The following MEGF8 variants were observed in gnomAD, a reference collection of about 807,000 sequenced individuals.
MEGF8 encodes multiple EGF like domains 8.
MEGF8 carries 156 observed loss-of-function variants against 302.9 expected under a neutral mutation model. That is an observed-to-expected ratio of 0.52 (90% CI 0.45 to 0.59). The LOEUF is 0.59. Ranked by LOEUF, MEGF8 falls within the 20% of genes least tolerant of loss-of-function variation. The probability of loss-of-function intolerance (pLI) is 0.00; values close to 1 mark genes in which losing one functional copy is unlikely to be tolerated. For missense variants in MEGF8, 3,345 were observed against 3,964.5 expected, an observed-to-expected ratio of 0.84 and a Z score of 4.20; for synonymous variants, 1,621 against 1,660.5, an observed-to-expected ratio of 0.98 and a Z score of 0.58.
At chr19:42,331,057 A>G in intron 1 of MEGF8, among the ~76,000 whole-genome samples, 1 of 152,132 alleles carries the variant, frequency 6.6e-6, no homozygotes, top group Non-Finnish European at 1.5e-5. Context: ...TCAGAGACTC[A>G]TGTCAGGGGA....
rs747167022 is a variant in MEGF8, at chr19:42,344,566, G to A, written c.1914G>A (p.Glu638=). 21 of 1,597,554 alleles carry A rather than the reference G, an allele frequency of 1.3e-5. No individual in the cohort carries two copies. The highest frequency in any genetic ancestry group is 2.7e-5 in the African/African-American group (2 of 74,772). The change falls in exon 11 of 42, where the codon GAG becomes GAA. Residue 638 remains glutamate (E), a synonymous_variant. Coordinates refer to ENST00000251268, the MANE Select transcript of MEGF8 (RefSeq NM_001271938.2). The surrounding 1 kb of genome is among the most constrained non-coding windows in gnomAD (Gnocchi z 4.5). The part of the protein sequence containing the change: ...PGTLGWCVHN[E]SCLPRPEQAR... Reference sequence around the variant, plus strand: ...CCCTGGGCTGGTGCGTGCACAATGAGAGCTGCCTCCCTAGGCCTGGTGAGT... The same window carrying A: ...CCCTGGGCTGGTGCGTGCACAATGAAAGCTGCCTCCCTAGGCCTGGTGAGT...
rs764448234 is a variant in MEGF8, at chr19:42,361,014, T to C, written c.5720+8T>C. 4.6e-6 allele frequency: 7 copies of C among 1,536,178 alleles called. No individual in the cohort carries two copies. In the South Asian group the frequency reaches 7.7e-5, roughly 17 times the overall value. On this transcript the variant is annotated splice_region_variant and intron_variant, in intron 32 of 41. Transcript: ENST00000251268. ...CGGGGATCAGGCCCACAGGTAACCA[T>C]GGCGACCATGACAGGCAGTGGGGAG...
chr19:42,352,469 G>A lies in MEGF8; in HGVS notation c.3350+13G>A, dbSNP rs2039389993. 6.3e-7 allele frequency: 1 copy of A among 1,575,482 alleles called. No individual in the cohort carries two copies. The highest frequency in any genetic ancestry group is 1.8e-5 in the Admixed American group (1 of 56,566). Reference sequence around the variant, plus strand: ...ACTGCAACCGCACGTGAGTGAGGCGGGGGTTGCTATGGAGATGTTGCCCCA... The same window carrying A: ...ACTGCAACCGCACGTGAGTGAGGCGAGGGTTGCTATGGAGATGTTGCCCCA... On this transcript the variant is annotated intron_variant, in intron 19 of 41. Transcript: ENST00000251268. This position sits in a 1 kb window ranked among gnomAD's most constrained non-coding sequence, Gnocchi z 4.4.
chr19:42,353,712 G>A lies in MEGF8; in HGVS notation c.3761+37G>A. 6.4e-7 allele frequency: 1 copy of A among 1,574,200 alleles called. No homozygotes were observed. The highest frequency in any genetic ancestry group is 1.2e-5 in the South Asian group (1 of 86,030). ...GGCCAGCCAGGGCTGGGTAGGGTGT[G>A]CTTGGGGACACAGTGGGGAGGGTCA... On this transcript the variant is annotated intron_variant, in intron 21 of 41. Coordinates refer to ENST00000251268, the MANE Select transcript of MEGF8 (RefSeq NM_001271938.2). The surrounding 1 kb of genome is among the most constrained non-coding windows in gnomAD (Gnocchi z 6.1).
chr19:42,326,289 G>A lies in MEGF8; in HGVS notation c.46G>A (p.Ala16Thr). 1 of 1,561,592 alleles carries A rather than the reference G, an allele frequency of 6.4e-7. No homozygotes were observed. Among genetic ancestry groups the A allele is most frequent in the Non-Finnish European group, 8.6e-7 (1 of 1,160,780 alleles). Reference sequence around the variant, plus strand: ...GGCCATGGCACTGGTTTTGGCCTTGGCCGTGCTGGGGTCGCTGTCCCCTGG... The same window carrying A: ...GGCCATGGCACTGGTTTTGGCCTTGACCGTGCTGGGGTCGCTGTCCCCTGG... ...VLAMALVLAL[A>T]VLGSLSPGAR... Residue 16 changes from alanine to threonine, a missense_variant, in exon 1 of 42, where the codon GCC (alanine) becomes ACC (threonine). Coordinates refer to ENST00000251268, the MANE Select transcript of MEGF8 (RefSeq NM_001271938.2).
rs1008191390 is a variant in MEGF8 at position 42,352,528 on chromosome 19, A to G, written c.3350+72A>G. 3.4e-6 allele frequency: 5 copies of G among 1,492,390 alleles called. No individual in the cohort carries two copies. The highest frequency in any genetic ancestry group is 1.4e-5 in the African/African-American group (1 of 72,098). 92.4% of individuals were successfully genotyped at this position (1,492,390 alleles called of 1,614,324 possible). ...CACATGGAGGTGGAGGGAGGAAGCC[A>G]TCATGGCGCTGGGTCCCCTCCTGTG... On this transcript the variant is annotated intron_variant, in intron 19 of 41. Transcript: ENST00000251268. This position sits in a 1 kb window ranked among gnomAD's most constrained non-coding sequence, Gnocchi z 4.4.
At chr19:42,338,814 T>C (rs796161253) in intron 8 of MEGF8, among the ~76,000 whole-genome samples, 42 of 149,174 alleles carry the variant, frequency 2.8e-4, no homozygotes, top group African/African-American at 9.8e-4. Flanking sequence ...TTTTTTTTTT[T>C]CTTTCTATGT....
rs1322082331 is a variant in MEGF8 at position 42,353,752 on chromosome 19, C to T, written c.3762-23C>T. The T allele has an allele frequency of 3.2e-6, 5 of 1,582,652 alleles. No individual in the cohort carries two copies. Among genetic ancestry groups the T allele is most frequent in the Non-Finnish European group, 4.3e-6 (5 of 1,160,370 alleles). On this transcript the variant is annotated intron_variant, in intron 21 of 41. Transcript: ENST00000251268. The surrounding 1 kb of genome is among the most constrained non-coding windows in gnomAD (Gnocchi z 6.1). ...GGGGAGGGTCAGGACTGGTCTGACA[C>T]TGGCTCTTCTCCATCTCCCCAGGGC...
intron 12 of MEGF8, among the ~76,000 whole-genome samples, chr19:42,346,501 A>T (rs2039291219): frequency 6.6e-6 from 1 of 151,934 alleles, no homozygotes; most frequent in African/African-American, 2.4e-5. Flanking sequence ...ACATTACGAA[A>T]TCCCATCTCT....
chr19:42,371,875 G>C (rs551122565), intron 41 of MEGF8, among the ~76,000 whole-genome samples: 3 of 152,074 alleles, frequency 2.0e-5, no homozygotes, highest in Admixed American at 6.6e-5. Flanking sequence ...TTGAGCCCGG[G>C]GGTTCAAGAC....
In MEGF8 at chr19:42,375,411, T is replaced by A; in HGVS notation, c.7270-96T>A. The A allele has an allele frequency of 7.9e-7, 1 of 1,261,400 alleles. No individual in the cohort carries two copies. Among genetic ancestry groups the A allele is most frequent in the Non-Finnish European group, 1.1e-6 (1 of 931,958 alleles). 78.1% of individuals were successfully genotyped at this position (1,261,400 alleles called of 1,614,324 possible). On this transcript the variant is annotated intron_variant, in intron 41 of 41. Transcript: ENST00000251268. The surrounding 1 kb of genome is among the most constrained non-coding windows in gnomAD (Gnocchi z 7.1). ...GGGTGAGGCCCAGGGCAATGGCTACTTAGCAGTGGGTATAGAGTATTCGTC... is the reference window on the plus strand; with the variant it reads ...GGGTGAGGCCCAGGGCAATGGCTACATAGCAGTGGGTATAGAGTATTCGTC...
intron 1 of MEGF8, among the ~76,000 whole-genome samples, chr19:42,332,466 C>G (rs1387664880): frequency 6.6e-6 from 1 of 152,130 alleles, no homozygotes; most frequent in East Asian, 1.9e-4. Flanking sequence ...CTCCCAGGTT[C>G]AAGCAATTCT....
chr19:42,354,109 A>T lies in MEGF8; in HGVS notation c.4011+85A>T. 2 of 1,382,810 alleles carry T rather than the reference A, an allele frequency of 1.4e-6. No individual in the cohort carries two copies. Among genetic ancestry groups the T allele is most frequent in the Non-Finnish European group, 1.9e-6 (2 of 1,044,182 alleles). The allele number at this position is 1,382,810 out of a possible 1,614,324, so 85.7% of individuals were successfully genotyped here. A position where few individuals can be genotyped will look rare whatever the true frequency, so the allele number is the denominator to read the frequency against. On this transcript the variant is annotated intron_variant, in intron 22 of 41. Transcript: ENST00000251268. The surrounding 1 kb of genome is among the most constrained non-coding windows in gnomAD (Gnocchi z 4.3). Reference sequence around the variant, plus strand: ...GCCTGCATCCTCAGACCCTGACCCTAGTATTGCTGTTTTTTTTTTTTTGTT... The same window carrying T: ...GCCTGCATCCTCAGACCCTGACCCTTGTATTGCTGTTTTTTTTTTTTTGTT...
At chr19:42,334,707 G>T (rs907973377) in intron 3 of MEGF8, among the ~76,000 whole-genome samples, 2 of 152,136 alleles carry the variant, frequency 1.3e-5, no homozygotes, top group Admixed American at 6.5e-5. Flanking sequence ...CCAGCCTGCC[G>T]TCTTTCTGTC....
intron 5 of MEGF8, 60 bp from the exon 6 acceptor site, chr19:42,335,871 A>G: frequency 7.1e-7 from 1 of 1,410,100 alleles, no homozygotes; most frequent in Non-Finnish European, 9.3e-7. Flanking sequence ...CTCTCTGTCT[A>G]AGCCTGGCTC....
chr19:42,347,164 T>C (rs1205166272), intron 12 of MEGF8, among the ~76,000 whole-genome samples: 2 of 152,094 alleles, frequency 1.3e-5, no homozygotes, highest in African/African-American at 4.8e-5. Flanking sequence ...TTTGATCTTA[T>C]TCCAGAATTT....
chr19:42,330,822 A>G (rs2039045542), intron 1 of MEGF8, among the ~76,000 whole-genome samples: 1 of 152,190 alleles, frequency 6.6e-6, no homozygotes, highest in African/African-American at 2.4e-5. Context: ...GCTAGGGGGC[A>G]TCAGGAAGAG....
chr19:42,359,956 A>G (rs2039508133), intron 31 of MEGF8, among the ~76,000 whole-genome samples: 1 of 150,212 alleles, frequency 6.7e-6, no homozygotes, highest in African/African-American at 2.5e-5. Context: ...CAGCCTCCCA[A>G]AGTGCTGGGA....
intron 1 of MEGF8, among the ~76,000 whole-genome samples, chr19:42,330,928 G>A (rs1246660295): frequency 6.6e-6 from 1 of 152,198 alleles, no homozygotes. Context: ...GGGGTGATTT[G>A]AGACAAAGCG....
Sources: allele counts gnomAD v4.1 joint callset (sites outside exome capture counted in the v4.1 genomes callset), GRCh38; gene constraint gnomAD v4.1.1; non-coding constraint Gnocchi (gnomAD v3.1); transcripts MANE v1.5; gene names NCBI Gene and HGNC (gene_info 2026-07-23, HGNC 2026-07-21).